The following FLVCR1 variants were observed in gnomAD, a reference collection of about 807,000 sequenced individuals.
FLVCR1 encodes choline/ethanolamine transporter FLVCR1.
Under a neutral mutation model 53.6 loss-of-function variants are expected in FLVCR1, and 34 were observed. That is an observed-to-expected ratio of 0.63 (90% confidence interval 0.48 to 0.84). FLVCR1 has a LOEUF of 0.84. Ranked by LOEUF, FLVCR1 falls within the 40% of genes least tolerant of loss-of-function variation. The pLI is 0.00. For synonymous variants in FLVCR1, 300 were observed against 286.3 expected (o/e 1.05, Z -0.48); for missense variants, 677 against 696.7 (o/e 0.97, Z 0.32).
intron 8 of FLVCR1, among the ~76,000 whole-genome samples, chr1:212,892,618 C>T (rs893253885): frequency 2.0e-5 from 3 of 152,158 alleles, no homozygotes; most frequent in Non-Finnish European, 4.4e-5. Flanking sequence ...TGAAGATGTA[C>T]GAGGAGATCA....
At position 212,887,978 on chromosome 1, in the gene FLVCR1, G is replaced by A. The variant is rs373495747; in HGVS notation, c.1284G>A (p.Val428=). ...TGGACCTTAGATATATTATCATCGT[G>A]TTTGTTACTGGAGGGGTGCTTGGGT... ...FTLDLRYIII[V]FVTGGVLGFF... is the part of the protein sequence containing the mutation. The change falls in exon 6 of 10, where the codon GTG becomes GTA. Residue 428 remains valine (V), a synonymous_variant. Transcript: ENST00000366971. 1.6e-5 allele frequency: 26 copies of A among 1,594,922 alleles called. No individual in the cohort carries two copies. Among genetic ancestry groups the A allele is most frequent in the Admixed American group, 1.3e-4 (8 of 59,964 alleles).
chr1:212,889,095 G>A (rs1665127408), intron 7 of FLVCR1, 51 bp from the exon 8 acceptor site: 2 of 1,287,898 alleles, frequency 1.6e-6, no homozygotes, highest in Non-Finnish European at 2.2e-6. Flanking sequence ...CTTTATACTT[G>A]CTTTAAATAA....
intron 3 of FLVCR1, among the ~76,000 whole-genome samples, chr1:212,881,115 T>C (rs1664914740): frequency 6.6e-6 from 1 of 152,214 alleles, no homozygotes; most frequent in African/African-American, 2.4e-5. Flanking sequence ...GAAGAGGAAC[T>C]GTTTGGTAAA....
At chr1:212,872,608 A>G (rs1215321933) in intron 2 of FLVCR1, 70 bp from the exon 3 acceptor site, 8 of 1,003,568 alleles carry the variant, frequency 8.0e-6, no homozygotes, top group South Asian at 6.1e-5. Flanking sequence ...ATATAATTAC[A>G]TATTGTAATA....
intron 5 of FLVCR1, 150 bp downstream of exon 5, chr1:212,885,546 G>GTCTCTTTT: frequency 3.5e-6 from 1 of 289,696 alleles, no homozygotes; most frequent in African/African-American, 3.2e-5. Flanking sequence ...CTTAACAAGT[G>GTCTCTTTT]TTTCTTTTTT....
intron 3 of FLVCR1, among the ~76,000 whole-genome samples, chr1:212,875,259 A>G (rs1351162404): frequency 3.3e-5 from 5 of 152,246 alleles, no homozygotes; most frequent in Non-Finnish European, 7.3e-5. Flanking sequence ...AAGTAACAAT[A>G]TAGTCGGTAT....
rs192445812 is a variant in FLVCR1, at chr1:212,894,364, G to A, written c.1526-622G>A. On this transcript the variant is annotated intron_variant, in intron 8 of 9. Transcript: ENST00000366971. ...GAGATGGAGTTTCACCGTGTTGGCC[G>A]GGATGGTCTCGATCTTCTGACCTTG... is the stretch of plus-strand genomic sequence containing the variant. 8.6e-5 allele frequency among the ~76,000 whole-genome samples: 13 copies of A among 151,886 alleles called. No individual in the cohort carries two copies. In the East Asian group the frequency reaches 1.8e-3, roughly 21 times the overall value.
intron 2 of FLVCR1, among the ~76,000 whole-genome samples, chr1:212,866,763 G>A (rs1664446283): frequency 6.6e-6 from 1 of 151,858 alleles, no homozygotes; most frequent in Admixed American, 6.6e-5. Flanking sequence ...TAGAAATGAG[G>A]GGAAAATAAT....
At chr1:212,885,577 G>A in intron 5 of FLVCR1, 181 bp downstream of exon 5, 1 of 375,778 alleles carries the variant, frequency 2.7e-6, no homozygotes, top group South Asian at 2.5e-5. Flanking sequence ...TTGAGACGGA[G>A]TCTCGTTCTG....
chr1:212,884,609 A>T (rs1015128967), intron 4 of FLVCR1, among the ~76,000 whole-genome samples: 3 of 152,244 alleles, frequency 2.0e-5, no homozygotes, highest in Admixed American at 6.5e-5. Context: ...AAGCAGTTGT[A>T]CTATGTAAAA....
At position 212,895,458 on chromosome 1, in the gene FLVCR1, T is replaced by A. The variant is rs772276716; in HGVS notation, c.*168T>A. 3.4e-5 allele frequency: 22 copies of A among 639,650 alleles called. No individual in the cohort carries two copies. Among genetic ancestry groups the A allele is most frequent in the Non-Finnish European group, 5.1e-5 (18 of 355,452 alleles). The allele number at this position is 639,650 out of a possible 1,614,324, so 39.6% of individuals were successfully genotyped here. A position where few individuals can be genotyped will look rare whatever the true frequency, so the allele number is the denominator to read the frequency against. ...CATAATTATTATTTTGCTTAATTGTTAAATTAAGGGAAATTTTCTTAAAAT... is the reference window on the plus strand; with the variant it reads ...CATAATTATTATTTTGCTTAATTGTAAAATTAAGGGAAATTTTCTTAAAAT... On this transcript the variant is annotated 3_prime_UTR_variant, in exon 10 of 10. Coordinates refer to ENST00000366971, the MANE Select transcript of FLVCR1 (RefSeq NM_014053.4).
In FLVCR1 at chr1:212,897,487, A is replaced by T. The variant is rs1177527495; in HGVS notation, c.*2197A>T. On this transcript the variant is annotated 3_prime_UTR_variant, in exon 10 of 10. Transcript: ENST00000366971. The stretch of plus-strand genomic sequence containing the variant: ...CAGTGAGCTGAGATTGCGCCACTGC[A>T]CTCCAGCCTGGGTGACAGAGCGAGA... 4 of 152,280 alleles carry T rather than the reference A, an allele frequency of 2.6e-5. No individual in the cohort carries two copies. In the East Asian group the frequency reaches 7.7e-4, roughly 29 times the overall value. 9.4% of individuals were successfully genotyped at this position (152,280 alleles called of 1,614,324 possible).
chr1:212,866,964 G>C (rs1664453769), intron 2 of FLVCR1, among the ~76,000 whole-genome samples: 1 of 152,128 alleles, frequency 6.6e-6, no homozygotes, highest in Non-Finnish European at 1.5e-5. Flanking sequence ...ATTTGCTATT[G>C]AGCAAACTTT....
intron 2 of FLVCR1, among the ~76,000 whole-genome samples, chr1:212,865,303 C>T (rs1664376964): frequency 6.8e-6 from 1 of 147,040 alleles, no homozygotes; most frequent in Admixed American, 6.9e-5. Context: ...CAATAGGTCC[C>T]GGTGTGTGAT....
At chr1:212,870,528 A>G (rs1664565796) in intron 2 of FLVCR1, among the ~76,000 whole-genome samples, 1 of 152,058 alleles carries the variant, frequency 6.6e-6, no homozygotes, top group Admixed American at 6.6e-5. Context: ...ATTATTTTTA[A>G]TTTCCAAATG....
Position 212,889,205 on chromosome 1 carries a change from G to T in FLVCR1, c.1473G>T (p.Lys491Asn). ...QGKLTSDYGP[K>N]AGNIFLCVWM... Reference sequence around the variant, plus strand: ...AGCTCACATCAGACTATGGTCCTAAGGCAGGGAACATTTTTCTCTGTGTCT... The same window carrying T: ...AGCTCACATCAGACTATGGTCCTAATGCAGGGAACATTTTTCTCTGTGTCT... Residue 491 changes from lysine to asparagine, a missense_variant, in exon 8 of 10, where the codon AAG (lysine) becomes AAT (asparagine). Transcript: ENST00000366971. 1 of 1,613,912 alleles carries T rather than the reference G, an allele frequency of 6.2e-7. No individual in the cohort carries two copies. Among genetic ancestry groups the T allele is most frequent in the Non-Finnish European group, 8.5e-7 (1 of 1,179,918 alleles).
intron 2 of FLVCR1, among the ~76,000 whole-genome samples, chr1:212,868,435 C>T (rs982324613): frequency 8.6e-5 from 13 of 151,504 alleles, no homozygotes; most frequent in African/African-American, 3.2e-4. Context: ...TATTTTGAGA[C>T]AGAGTTTAGC....
At chr1:212,886,160 G>T (rs1329946407) in intron 5 of FLVCR1, among the ~76,000 whole-genome samples, 3 of 148,736 alleles carry the variant, frequency 2.0e-5, no homozygotes, top group Admixed American at 6.8e-5. Flanking sequence ...TCCCACCTCA[G>T]CCTCCTGAGT....
rs1397058440 is a variant in FLVCR1, at chr1:212,858,336, G to A, written c.-117G>A. On this transcript the variant is annotated 5_prime_UTR_variant, in exon 1 of 10. Transcript: ENST00000366971. ...GTTCGCGGCGCGCGCCACCGGGGAA[G>A]GAGCGGTGGGCCGAGGGGTTGGAGG... The A allele has an allele frequency of 1.4e-5, 14 of 1,022,796 alleles. No individual in the cohort carries two copies. The highest frequency in any genetic ancestry group is 1.9e-5 in the South Asian group (1 of 53,252). 63.4% of individuals were successfully genotyped at this position (1,022,796 alleles called of 1,614,324 possible).
Sources: gnomAD v4.1 joint callset for allele counts (sites outside exome capture counted in the v4.1 genomes callset) on GRCh38, gnomAD v4.1.1 for gene constraint, MANE v1.5 for transcripts, NCBI Gene and HGNC (gene_info 2026-07-23, HGNC 2026-07-21) for gene names.